Variants in RYR3 observed in about 807,000 individuals in gnomAD.
RYR3 encodes the protein brain ryanodine receptor-calcium release channel.
In RYR3, 207 loss-of-function variants were observed where a neutral mutation model predicts 584.3. The observed-to-expected ratio is 0.35, with a 90% CI of 0.32 to 0.40. The LOEUF is 0.40. Ranked by LOEUF, RYR3 falls within the 10% of genes least tolerant of loss-of-function variation. The pLI, the probability that RYR3 is intolerant of heterozygous loss-of-function variation, is 1.00. For missense variants in RYR3, 5,616 were observed against 6,089.2 expected, an observed-to-expected ratio of 0.92 and a Z score of 2.59; for synonymous variants, 2,416 against 2,248.5, an observed-to-expected ratio of 1.07 and a Z score of -2.11.
rs533255947 is a variant in RYR3 at position 33,699,774 on chromosome 15, A to C, written c.6320A>C (p.Asn2107Thr). ...TATTTCTGTCGAATTAGCCGGCAAA[A>C]TCAGAAGGCCATGTTTGAGCATCTG... ...LCYFCRISRQ[N>T]QKAMFEHLSY... Residue 2107 changes from asparagine (N) to threonine (T), a missense_variant, in exon 41 of 104, where the codon AAT (asparagine) becomes ACT (threonine). Asn to Thr is a moderately conservative substitution (Grantham distance 65, BLOSUM62 0). Coordinates refer to ENST00000634891, the MANE Select transcript of RYR3 (RefSeq NM_001036.6). The C allele has an allele frequency of 6.2e-7, 1 of 1,613,864 alleles. No homozygotes were observed. The highest frequency in any genetic ancestry group is 2.2e-5 in the East Asian group (1 of 44,882).
intron 42 of RYR3, among the ~76,000 whole-genome samples, chr15:33,702,899 A>G (rs1028462627): frequency 2.0e-5 from 3 of 152,098 alleles, no homozygotes; most frequent in Non-Finnish European, 4.4e-5. Flanking sequence ...AGAAATAAAT[A>G]CACATTTTTT....
In RYR3 at chr15:33,644,329, G is replaced by A. The variant is rs1402456828; in HGVS notation, c.3575G>A (p.Cys1192Tyr). The A allele has an allele frequency of 6.2e-7, 1 of 1,611,884 alleles. No homozygotes were observed. The highest frequency in any genetic ancestry group is 8.5e-7 in the Non-Finnish European group (1 of 1,179,080). The part of the protein sequence containing the change: ...EIENGFVPIC[C>Y]LGLSQIGRMN... ...TCTGCAGGCTTCGTGCCCATCTGCT[G>A]TCTGGGTCTATCTCAGATCGGCCGC... The change falls in exon 28 of 104, where the codon TGT (cysteine) becomes TAT (tyrosine). Residue 1192 changes from cysteine (C) to tyrosine (Y), a missense_variant. Physicochemically the swap from Cys to Tyr is radical, Grantham distance 194. Transcript: ENST00000634891.
At chr15:33,543,757 T>G (rs900928094) in intron 8 of RYR3, 42 bp downstream of exon 8, 7 of 1,197,620 alleles carry the variant, frequency 5.8e-6, no homozygotes, top group Non-Finnish European at 8.7e-6. Context: ...GTTTCCAGTC[T>G]CAAATGACTC....
At chr15:33,663,490 C>T (rs1317711725) in intron 35 of RYR3, 47 bp from the exon 36 acceptor site, 2 of 1,548,390 alleles carry the variant, frequency 1.3e-6, no homozygotes, top group South Asian at 2.3e-5. Flanking sequence ...TGCTAGCAGC[C>T]TCACCAAAGT....
rs867053875 is a variant in RYR3 at position 33,773,552 on chromosome 15, C to A, written c.9074C>A (p.Ser3025Ter). ...MDLLLGDVQI[S>*]CYHILCSLYS... ...GTTTCAGTGGGTGATGTGCAGATTTCATGCTACCACATACTGTGCAGCCTC... is the reference window on the plus strand; with the variant it reads ...GTTTCAGTGGGTGATGTGCAGATTTAATGCTACCACATACTGTGCAGCCTC... The change falls in exon 64 of 104, where the codon TCA becomes TAA. Residue 3025 changes from serine (S) to a stop codon, truncating the protein, a stop_gained. Transcript: ENST00000634891. LOFTEE classifies it high-confidence loss of function. 6.2e-7 allele frequency: 1 copy of A among 1,607,756 alleles called. No individual in the cohort carries two copies. Among genetic ancestry groups the A allele is most frequent in the Non-Finnish European group, 8.5e-7 (1 of 1,176,714 alleles).
intron 1 of RYR3, among the ~76,000 whole-genome samples, chr15:33,346,512 G>T (rs1198693011): frequency 6.6e-6 from 1 of 152,210 alleles, no homozygotes; most frequent in African/African-American, 2.4e-5. Context: ...AGTGGTTTAT[G>T]TATGGCTTCA....
chr15:33,407,592 G>A (rs1353323745), intron 1 of RYR3, among the ~76,000 whole-genome samples: 1 of 152,156 alleles, frequency 6.6e-6, no homozygotes, highest in African/African-American at 2.4e-5. Flanking sequence ...GGACTGCAGG[G>A]GTGACATGCC....
rs761950338 is a variant in RYR3, at chr15:33,838,065, C to A, written c.12085C>A (p.Leu4029Ile). 2 of 1,613,986 alleles carry A rather than the reference C, an allele frequency of 1.2e-6. No homozygotes were observed. The highest frequency in any genetic ancestry group is 1.1e-5 in the South Asian group (1 of 91,084). ...ESVLNYFEPY[L>I]GRIEIMGGAK... Reference sequence around the variant, plus strand: ...TGTGCTAAATTACTTCGAACCCTACCTAGGACGCATCGAGATCATGGGTGG... The same window carrying A: ...TGTGCTAAATTACTTCGAACCCTACATAGGACGCATCGAGATCATGGGTGG... The change falls in exon 89 of 104, where the codon CTA (leucine) becomes ATA (isoleucine). Residue 4029 changes from leucine (L) to isoleucine (I), a missense_variant. Transcript: ENST00000634891.
chr15:33,324,641 T>A (rs1490796518), intron 1 of RYR3, among the ~76,000 whole-genome samples: 2 of 152,210 alleles, frequency 1.3e-5, no homozygotes, highest in Admixed American at 1.3e-4. Context: ...TGTTCTTTTC[T>A]TTGCTGTGTT....
At chr15:33,684,588 G>A in intron 38 of RYR3, among the ~76,000 whole-genome samples, 1 of 152,190 alleles carries the variant, frequency 6.6e-6, no homozygotes. Flanking sequence ...TCAAATTCAG[G>A]AAATACAGAG....
chr15:33,823,750 A>C (rs2077228742), intron 81 of RYR3, among the ~76,000 whole-genome samples: 1 of 152,230 alleles, frequency 6.6e-6, no homozygotes, highest in South Asian at 2.1e-4. Flanking sequence ...GATGAGCCAG[A>C]ATCTAAGAAA....
chr15:33,464,503 T>TATATATATATAGATATATATATATATAC (rs1180164194), intron 1 of RYR3, among the ~76,000 whole-genome samples: 1 of 105,942 alleles, frequency 9.4e-6, no homozygotes, highest in Non-Finnish European at 2.0e-5. Context: ...CATATATATA[T>TATATATATATAGATATATATATATATAC]ACATACACAT....
intron 3 of RYR3, among the ~76,000 whole-genome samples, chr15:33,517,389 A>G (rs2053609147): frequency 6.6e-6 from 1 of 152,246 alleles, no homozygotes; most frequent in African/African-American, 2.4e-5. Context: ...TGAACTGAGA[A>G]TCACTGCTGT....
At chr15:33,766,788 A>G (rs182920019) in intron 60 of RYR3, among the ~76,000 whole-genome samples, 1 of 152,354 alleles carries the variant, frequency 6.6e-6, no homozygotes, top group East Asian at 1.9e-4. Flanking sequence ...CTGCATCTGC[A>G]GCCCTTTGCC....
In RYR3 at chr15:33,729,007, C is replaced by T; in HGVS notation, c.7184C>T (p.Ala2395Val). Reference sequence around the variant, plus strand: ...GTTGGATTTTTACCTGACCTAAGAGCTTCTGCCTCTCTAGATACAGTAAGT... The same window carrying T: ...GTTGGATTTTTACCTGACCTAAGAGTTTCTGCCTCTCTAGATACAGTAAGT... ...LEVGFLPDLR[A>V]SASLDTVSLS... is the part of the protein sequence containing the mutation. The change falls in exon 47 of 104, where the codon GCT becomes GTT. Residue 2395 changes from alanine (A) to valine (V), a missense_variant. By Grantham distance (64) the Ala-to-Val change is moderately conservative. Coordinates refer to ENST00000634891, the MANE Select transcript of RYR3 (RefSeq NM_001036.6). 1.2e-6 allele frequency: 2 copies of T among 1,613,802 alleles called. No homozygotes were observed. Among genetic ancestry groups the T allele is most frequent in the South Asian group, 2.2e-5 (2 of 91,034 alleles).
chr15:33,540,650 G>C (rs945040838), intron 6 of RYR3, 141 bp from the exon 7 acceptor site: 2 of 594,890 alleles, frequency 3.4e-6, no homozygotes, highest in Non-Finnish European at 6.1e-6. Context: ...AGATCAGGTG[G>C]AGAAATCTCC....
chr15:33,727,870 C>T (rs1039638124), intron 46 of RYR3, among the ~76,000 whole-genome samples: 2 of 152,122 alleles, frequency 1.3e-5, no homozygotes, highest in African/African-American at 4.8e-5. Context: ...TGTTTTCTAT[C>T]CTCACTCGAA....
intron 38 of RYR3, among the ~76,000 whole-genome samples, chr15:33,676,703 A>G (rs1310715983): frequency 1.3e-5 from 2 of 152,172 alleles, no homozygotes; most frequent in Non-Finnish European, 2.9e-5. Context: ...AACAAAACAG[A>G]TATCATTAGT....
In RYR3 at chr15:33,644,353, G is replaced by T. The variant is rs377298605; in HGVS notation, c.3599G>T (p.Arg1200Leu). The change falls in exon 28 of 104, where the codon CGC becomes CTC. Residue 1200 changes from arginine (R) to leucine (L), a missense_variant. Arg to Leu is a moderately radical substitution (Grantham distance 102). This residue lies in a region of RYR3 where 152 missense variants were observed against 200.9 expected (regional missense o/e 0.76). Transcript: ENST00000634891. ...ICCLGLSQIG[R>L]MNLGTDASTF... ...TGTCTGGGTCTATCTCAGATCGGCC[G>T]CATGAATCTCGGGACAGATGCCAGT... 4.3e-6 allele frequency: 7 copies of T among 1,612,782 alleles called. No individual in the cohort carries two copies. Among genetic ancestry groups the T allele is most frequent in the Admixed American group, 1.7e-5 (1 of 59,870 alleles).
Sources: allele counts gnomAD v4.1 joint callset (sites outside exome capture counted in the v4.1 genomes callset), GRCh38; gene constraint gnomAD v4.1.1; regional missense constraint gnomAD v4.1.1; transcripts MANE v1.5; gene names NCBI Gene and HGNC (gene_info 2026-07-23, HGNC 2026-07-21).